POLR3K: variants seen among roughly 807,000 people sequenced by gnomAD.
POLR3K encodes DNA-directed RNA polymerase III subunit RPC10.
Under a neutral mutation model 13.5 loss-of-function variants are expected in POLR3K, and 11 were observed. The ratio of observed to expected loss-of-function variants is 0.81; its 90% confidence interval spans 0.51 to 1.35. The LOEUF (loss-of-function observed/expected upper bound fraction) is 1.35. Ranked by LOEUF, POLR3K falls within the 40% of genes most tolerant of loss-of-function variation. The pLI is 0.00. For missense variants in POLR3K, 144 were observed against 145.3 expected (o/e 0.99, Z 0.05); for synonymous variants, 56 against 51.5 (o/e 1.09, Z -0.38).
chr16:48,531 G>A (rs1057178980), intron 2 of POLR3K, among the ~76,000 whole-genome samples: 2 of 152,208 alleles, frequency 1.3e-5, no homozygotes, highest in Admixed American at 1.3e-4. Context: ...AGCATTAAGG[G>A]CCGGGCGCGG....
chr16:52,581 C>T (rs143769415), intron 1 of POLR3K, among the ~76,000 whole-genome samples: 2,487 of 150,190 alleles, frequency 0.017, 74 homozygotes, highest in African/African-American at 0.058. Context: ...GGCTAACACA[C>T]GGTGAAACCC....
At chr16:50,591 C>T (rs909188774) in intron 2 of POLR3K, among the ~76,000 whole-genome samples, 4 of 150,622 alleles carry the variant, frequency 2.7e-5, no homozygotes, top group South Asian at 2.1e-4. Flanking sequence ...AGTGTGATCT[C>T]GGCTCACTGC....
At chr16:53,208 C>CCTCA (rs1286454850) in intron 1 of POLR3K, 1 of 538,294 alleles carries the variant, frequency 1.9e-6, no homozygotes, top group Non-Finnish European at 3.0e-6. Context: ...GACCTGCGTG[C>CCTCA]CTCAGCTTTA....
Position 47,346 on chromosome 16 carries a change from G to C in POLR3K, c.*84C>G. On this transcript the variant is annotated 3_prime_UTR_variant, in exon 3 of 3. Coordinates refer to ENST00000293860, the MANE Select transcript of POLR3K (RefSeq NM_016310.5). ...TCCACCACACTAGCAAAGACCCTCA[G>C]GACACACAACTCATACTGCCAGCTA... 1 of 1,519,440 alleles carries C rather than the reference G, an allele frequency of 6.6e-7. No individual in the cohort carries two copies. Among genetic ancestry groups the C allele is most frequent in the African/African-American group, 1.4e-5 (1 of 72,430 alleles). The allele number at this position is 1,519,440 out of a possible 1,614,324, so 94.1% of individuals were successfully genotyped here. A position where few individuals can be genotyped will look rare whatever the true frequency, so the allele number is the denominator to read the frequency against.
Position 51,608 on chromosome 16 carries a change from TC to T in POLR3K, c.148del (p.Asp50MetfsTer42), listed in dbSNP as rs1377404366. On this transcript the variant is annotated frameshift_variant, in exon 2 of 3. Transcript: ENST00000293860. LOFTEE classifies it high-confidence loss of function. ...GGCAGCTGCTCCACCAAGCACATCA[TC>T]CACTTCTTTCAGTTTTGGGTACTTC... The part of the protein sequence containing the change: ...NRKYPKLKEV[D>X]DVLGGAAAWE... The T allele has an allele frequency of 1.9e-6, 3 of 1,614,018 alleles. No homozygotes were observed. The highest frequency in any genetic ancestry group is 1.7e-6 in the Non-Finnish European group (2 of 1,180,000).
At chr16:51,423 T>A (rs575709099) in intron 2 of POLR3K, 135 bp downstream of exon 2, 1 of 709,118 alleles carries the variant, frequency 1.4e-6, no homozygotes, top group African/African-American at 1.8e-5. Context: ...CAAATACAAA[T>A]AAATTATTCA....
In POLR3K at chr16:53,587, G is replaced by C. The variant is rs774350246; in HGVS notation, c.-1C>G. Reference sequence around the variant, plus strand: ...CGCAGCCGGGGCAGAACAGCAGCATGGTCTCGAACTCCGCAGGCTCCAACT... The same window carrying C: ...CGCAGCCGGGGCAGAACAGCAGCATCGTCTCGAACTCCGCAGGCTCCAACT... On this transcript the variant is annotated 5_prime_UTR_variant, in exon 1 of 3. Coordinates refer to ENST00000293860, the MANE Select transcript of POLR3K (RefSeq NM_016310.5). 1.9e-6 allele frequency: 3 copies of C among 1,609,436 alleles called. No homozygotes were observed. Among genetic ancestry groups the C allele is most frequent in the Non-Finnish European group, 2.5e-6 (3 of 1,178,118 alleles).
intron 1 of POLR3K, among the ~76,000 whole-genome samples, chr16:52,795 A>AAAAAAAAAAAAAAAAAAAAAAAAAAAAAC (rs1301989386): frequency 3.7e-5 from 1 of 26,786 alleles, no homozygotes; most frequent in African/African-American, 1.3e-4. Context: ...AAAAAAAAAA[A>AAAAAAAAAAAAAAAAAAAAAAAAAAAAAC]CAATAAAAAA....
In POLR3K at chr16:46,542, T is replaced by C. The variant is rs1033824656; in HGVS notation, c.*888A>G. 6.6e-6 allele frequency: 1 copy of C among 152,034 alleles called. No homozygotes were observed. Among genetic ancestry groups the C allele is most frequent in the Non-Finnish European group, 1.5e-5 (1 of 68,026 alleles). 9.4% of individuals were successfully genotyped at this position (152,034 alleles called of 1,614,324 possible). A position where few individuals can be genotyped will look rare whatever the true frequency, so the allele number is the denominator to read the frequency against. On this transcript the variant is annotated 3_prime_UTR_variant, in exon 3 of 3. Coordinates refer to ENST00000293860, the MANE Select transcript of POLR3K (RefSeq NM_016310.5). The stretch of plus-strand genomic sequence containing the variant: ...GAGTTGGAGACCAGCCCGACCAACA[T>C]GGAGAAACCCCATCTCTACTAAAAA...
At chr16:48,471 G>A (rs1259463201) in intron 2 of POLR3K, among the ~76,000 whole-genome samples, 2 of 152,204 alleles carry the variant, frequency 1.3e-5, no homozygotes, top group Non-Finnish European at 2.9e-5. Flanking sequence ...GTTAGATGGT[G>A]GAAGAGTTTT....
At chr16:49,111 C>G (rs994535163) in intron 2 of POLR3K, among the ~76,000 whole-genome samples, 1 of 151,384 alleles carries the variant, frequency 6.6e-6, no homozygotes, top group African/African-American at 2.4e-5. Context: ...AGAGATCGTG[C>G]CACTACACTC....
intron 1 of POLR3K, 168 bp from the exon 2 acceptor site, chr16:51,813 G>T (rs191798198): frequency 1.8e-6 from 1 of 557,126 alleles, no homozygotes; most frequent in South Asian, 2.0e-5. Context: ...GAGGTCAAGA[G>T]ATCGAGACCA....
At chr16:51,884 T>G (rs894725191) in intron 1 of POLR3K, 10 of 365,050 alleles carry the variant, frequency 2.7e-5, no homozygotes, top group African/African-American at 1.1e-4. Flanking sequence ...GCCCGGCGTG[T>G]TGGCGGGCGC....
chr16:49,121 C>G (rs1897309205), intron 2 of POLR3K, among the ~76,000 whole-genome samples: 1 of 151,062 alleles, frequency 6.6e-6, no homozygotes, highest in Admixed American at 6.6e-5. Flanking sequence ...CCACTACACT[C>G]CAGCCTGGGC....
intron 2 of POLR3K, among the ~76,000 whole-genome samples, chr16:50,032 C>A (rs1897318320): frequency 6.6e-6 from 1 of 151,932 alleles, no homozygotes; most frequent in African/African-American, 2.4e-5. Context: ...AATCTTGGCT[C>A]ACTGCAACCT....
intron 1 of POLR3K, among the ~76,000 whole-genome samples, chr16:52,446 CAAA>C (rs767411954): frequency 3.1e-4 from 23 of 74,178 alleles, no homozygotes; most frequent in East Asian, 1.6e-3. Context: ...GACTCTGTCT[CAAA>C]AAAAAAAAAA....
At chr16:47,980 C>T (rs1416519342) in intron 2 of POLR3K, among the ~76,000 whole-genome samples, 5 of 146,818 alleles carry the variant, frequency 3.4e-5, no homozygotes, top group African/African-American at 1.3e-4. Flanking sequence ...CCTCTGCCTC[C>T]CGGGTTCATG....
intron 1 of POLR3K, chr16:52,053 C>G (rs962949891): frequency 1.2e-5 from 2 of 172,778 alleles, no homozygotes; most frequent in Non-Finnish European, 2.5e-5. Flanking sequence ...TCACTCTTCC[C>G]GTAGTTTCAA....
chr16:47,546 T>G lies in POLR3K; in HGVS notation c.211A>C (p.Lys71Gln). 1 of 1,612,604 alleles carries G rather than the reference T, an allele frequency of 6.2e-7. No individual in the cohort carries two copies. The highest frequency in any genetic ancestry group is 8.5e-7 in the Non-Finnish European group (1 of 1,179,116). ...AAGTAAGCACGAGGATGTTCGCATT[T>G]GGGACACGACTCTGGCAATGAGAAA... is the stretch of plus-strand genomic sequence containing the variant. ...NVDSTAESCP[K>Q]CEHPRAYFMQ... The change falls in exon 3 of 3, where the codon AAA becomes CAA. Residue 71 changes from lysine to glutamine, a missense_variant. Physicochemically the swap from Lys to Gln is moderately conservative, Grantham distance 53. Coordinates refer to ENST00000293860, the MANE Select transcript of POLR3K (RefSeq NM_016310.5).
Sources: allele counts gnomAD v4.1 joint callset (sites outside exome capture counted in the v4.1 genomes callset), GRCh38; gene constraint gnomAD v4.1.1; transcripts MANE v1.5; gene names NCBI Gene and HGNC (gene_info 2026-07-23, HGNC 2026-07-21).